Variants in UNC13C observed in about 807,000 individuals in gnomAD.
The protein encoded by UNC13C is protein unc-13 homolog C.
In UNC13C, 174 loss-of-function variants were observed where a neutral mutation model predicts 245.4. That is an observed-to-expected ratio of 0.71 (90% CI 0.63 to 0.80). The LOEUF is 0.80. Among genes scored for constraint, UNC13C ranks in the 30% least tolerant of loss-of-function variants. The pLI, the probability that UNC13C is intolerant of heterozygous loss-of-function variation, is 0.00. For synonymous variants in UNC13C, 992 were observed against 895.1 expected (o/e 1.11, Z -1.93); for missense variants, 2,829 against 2,602.9 (o/e 1.09, Z -1.89).
At chr15:54,409,525 C>T (rs368188353) in intron 18 of UNC13C, among the ~76,000 whole-genome samples, 1 of 152,064 alleles carries the variant, frequency 6.6e-6, no homozygotes, top group Non-Finnish European at 1.5e-5. Context: ...TCCGTACTCT[C>T]CTCCCACCCT....
chr15:53,878,443 C>A, the UNC13C span, among the ~76,000 whole-genome samples: 2 of 152,166 alleles, frequency 1.3e-5, no homozygotes, highest in Non-Finnish European at 2.9e-5. Context: ...TTTCTGTTCT[C>A]TTTCCTCAAA....
chr15:54,177,532 G>A (rs1020302385), intron 4 of UNC13C, among the ~76,000 whole-genome samples: 2 of 152,118 alleles, frequency 1.3e-5, no homozygotes, highest in Non-Finnish European at 2.9e-5. Context: ...TTAAAGAGAG[G>A]CCATAAACCA....
At chr15:54,592,651 C>T (rs1399926452) in intron 30 of UNC13C, among the ~76,000 whole-genome samples, 1 of 152,052 alleles carries the variant, frequency 6.6e-6, no homozygotes, top group African/African-American at 2.4e-5. Context: ...GCATGAAATG[C>T]CTTTTTCTAC....
chr15:53,902,716 A>G, the UNC13C span, among the ~76,000 whole-genome samples: 2 of 152,240 alleles, frequency 1.3e-5, no homozygotes, highest in Admixed American at 6.5e-5. Flanking sequence ...ATTTGGAATG[A>G]TAGAAGCCAA....
intron 2 of UNC13C, among the ~76,000 whole-genome samples, chr15:54,068,658 G>A (rs1236616884): frequency 6.6e-6 from 1 of 152,044 alleles, no homozygotes; most frequent in African/African-American, 2.4e-5. Context: ...GTATATAACT[G>A]GCTTTGTTCT....
chr15:54,075,668 T>G (rs1443677193), intron 2 of UNC13C, among the ~76,000 whole-genome samples: 1 of 151,986 alleles, frequency 6.6e-6, no homozygotes, highest in African/African-American at 2.4e-5. Context: ...GTGATGGTTG[T>G]TAATACTATT....
the UNC13C span, among the ~76,000 whole-genome samples, chr15:53,950,426 G>T: frequency 1.3e-4 from 12 of 94,156 alleles, no homozygotes; most frequent in South Asian, 4.6e-3. Context: ...CTAAAATAAA[G>T]ATTTTTTTTT....
chr15:54,020,784 A>G (rs1394622941), intron 2 of UNC13C, among the ~76,000 whole-genome samples: 1 of 152,162 alleles, frequency 6.6e-6, no homozygotes, highest in African/African-American at 2.4e-5. Flanking sequence ...TGTAGAAACC[A>G]TTTAGTGCAT....
At chr15:54,016,434 C>A (rs1895662932) in intron 2 of UNC13C, among the ~76,000 whole-genome samples, 1 of 152,152 alleles carries the variant, frequency 6.6e-6, no homozygotes, top group South Asian at 2.1e-4. Flanking sequence ...CATGGACTCC[C>A]TTACAACCTA....
At chr15:54,631,856 G>A (rs1901463145), downstream of UNC13C, 1 of 152,138 alleles carries the variant, frequency 6.6e-6, no homozygotes, top group Admixed American at 6.5e-5. Context: ...TTATCTATTA[G>A]AGTGTGATTT....
chr15:54,321,198 A>G, intron 13 of UNC13C: 1 of 502,914 alleles, frequency 2.0e-6, no homozygotes, highest in South Asian at 1.5e-5. Context: ...TCTGAATGAC[A>G]GCCTTATTTA....
chr15:54,433,667 C>T (rs1489604819), intron 19 of UNC13C, among the ~76,000 whole-genome samples: 3 of 152,004 alleles, frequency 2.0e-5, no homozygotes, highest in Admixed American at 1.3e-4. Context: ...CCTTTGAAAA[C>T]TGGCACAAGG....
chr15:54,590,093 G>A lies in UNC13C; in HGVS notation c.6106+22146G>A, dbSNP rs189445522. Among the ~76,000 whole-genome samples the A allele has an allele frequency of 8.5e-5, 13 of 152,194 alleles. No individual in the cohort carries two copies. The East Asian group carries it at 1.9e-3, about 23-fold the overall frequency. On this transcript the variant is annotated intron_variant, in intron 30 of 32. Coordinates refer to ENST00000260323, the MANE Select transcript of UNC13C (RefSeq NM_001080534.3). ...TTGTTTGCTTTGTTGAAGATCAATT[G>A]GCTGTAAGTATTTGGGTTTATTTCT...
chr15:54,041,640 A>G (rs915906218), intron 2 of UNC13C, among the ~76,000 whole-genome samples: 1 of 152,210 alleles, frequency 6.6e-6, no homozygotes, highest in African/African-American at 2.4e-5. Flanking sequence ...TCTCTGATTT[A>G]TGAGTTGTGT....
At chr15:54,382,028 C>T (rs2039736473) in intron 17 of UNC13C, among the ~76,000 whole-genome samples, 1 of 152,060 alleles carries the variant, frequency 6.6e-6, no homozygotes, top group Non-Finnish European at 1.5e-5. Flanking sequence ...TTTTAAAAAT[C>T]AAAATTATGT....
At chr15:54,494,542 G>T in intron 19 of UNC13C, 66 bp from the exon 20 acceptor site, 1 of 1,366,010 alleles carries the variant, frequency 7.3e-7, no homozygotes, top group South Asian at 1.7e-5. Context: ...AATAAAAATA[G>T]ATTGGAACAT....
intron 4 of UNC13C, among the ~76,000 whole-genome samples, chr15:54,200,710 A>G (rs1396866278): frequency 6.6e-6 from 1 of 152,052 alleles, no homozygotes; most frequent in Non-Finnish European, 1.5e-5. Context: ...AAATGCCAAC[A>G]TCAAGAGTCT....
intron 4 of UNC13C, among the ~76,000 whole-genome samples, chr15:54,188,705 A>C (rs1371526796): frequency 6.6e-6 from 1 of 152,180 alleles, no homozygotes; most frequent in Admixed American, 6.6e-5. Context: ...GTTATGTGTC[A>C]GACACTCTAA....
At chr15:54,181,494 T>G (rs1448612863) in intron 4 of UNC13C, among the ~76,000 whole-genome samples, 1 of 151,954 alleles carries the variant, frequency 6.6e-6, no homozygotes, top group Non-Finnish European at 1.5e-5. Context: ...TGTTTGTTTT[T>G]GTTTTTTCTT....
Sources: allele counts gnomAD v4.1 joint callset (sites outside exome capture counted in the v4.1 genomes callset), GRCh38; gene constraint gnomAD v4.1.1; transcripts MANE v1.5; gene names NCBI Gene and HGNC (gene_info 2026-07-23, HGNC 2026-07-21).